KIF11: variants seen among roughly 807,000 people sequenced by gnomAD.
The protein encoded by KIF11 is kinesin family member 11.
A neutral mutation model predicts 121.0 loss-of-function variants in KIF11; 9 were observed. That is an observed-to-expected ratio of 0.07 (90% CI 0.04 to 0.13). KIF11 has a LOEUF of 0.13. Among genes scored for constraint, KIF11 ranks in the 10% least tolerant of loss-of-function variants. KIF11 has a pLI of 1.00. For synonymous variants in KIF11, 408 were observed against 421.0 expected, an observed-to-expected ratio of 0.97 and a Z score of 0.38; for missense variants, 846 against 1,217.5, an observed-to-expected ratio of 0.69 and a Z score of 4.54.
chr10:92,653,388 G>C (rs1472970110), intron 21 of KIF11, among the ~76,000 whole-genome samples: 6 of 152,136 alleles, frequency 3.9e-5, no homozygotes, highest in African/African-American at 1.4e-4. Flanking sequence ...TCCCTGATGA[G>C]AACCACTACC....
intron 1 of KIF11, among the ~76,000 whole-genome samples, chr10:92,594,285 G>T (rs1013332932): frequency 6.6e-6 from 1 of 152,160 alleles, no homozygotes; most frequent in Non-Finnish European, 1.5e-5. Flanking sequence ...AGAAAAACTT[G>T]TATCAACAAA....
intron 9 of KIF11, among the ~76,000 whole-genome samples, chr10:92,619,069 T>C (rs1844591921): frequency 6.6e-6 from 1 of 152,148 alleles, no homozygotes; most frequent in African/African-American, 2.4e-5. Context: ...CAGGCTGGAG[T>C]GCAGTGGTGC....
At chr10:92,651,521 T>TTTTTTTTTTTAGTAGAGGGGG (rs1844982388) in intron 21 of KIF11, among the ~76,000 whole-genome samples, 1 of 75,266 alleles carries the variant, frequency 1.3e-5, no homozygotes, top group Non-Finnish European at 2.4e-5. Flanking sequence ...TTTTTTTTTT[T>TTTTTTTTTTTAGTAGAGGGGG]TTTTTTTTTT....
chr10:92,619,976 CTTGATTAAA>C (rs1225352329), intron 9 of KIF11, among the ~76,000 whole-genome samples: 1 of 151,138 alleles, frequency 6.6e-6, no homozygotes, highest in Non-Finnish European at 1.5e-5. Context: ...AATCTTGAGG[CTTGATTAAA>C]TTCAAGTTTT....
rs1844762932 is a variant in KIF11 at position 92,633,693 on chromosome 10, T to G, written c.1773T>G (p.Ser591=). The G allele has an allele frequency of 6.2e-7, 1 of 1,602,072 alleles. No homozygotes were observed. Residue 591 remains serine, a synonymous_variant, in exon 14 of 22, where the codon TCT becomes TCG. Coordinates refer to ENST00000260731, the MANE Select transcript of KIF11 (RefSeq NM_004523.4). The stretch of plus-strand genomic sequence containing the variant: ...CAGTAGCACTTGGATCTCTCACATC[T>G]ATTCCAGAAAATGTGTCTACTCATG... The part of the protein sequence containing the change: ...ITTVALGSLT[S]IPENVSTHVS...
chr10:92,652,160 G>A (rs1462799412), intron 21 of KIF11, among the ~76,000 whole-genome samples: 1 of 151,380 alleles, frequency 6.6e-6, no homozygotes, highest in East Asian at 1.9e-4. Flanking sequence ...TTGTTTTTGA[G>A]ACGGAGTTTT....
At chr10:92,606,157 A>G (rs1844428476) in intron 1 of KIF11, 108 bp from the exon 2 acceptor site, 11 of 968,238 alleles carry the variant, frequency 1.1e-5, no homozygotes, top group Middle Eastern at 2.6e-4. Context: ...ATCACCAACA[A>G]TGTGGTCAAA....
chr10:92,637,383 A>C lies in KIF11; in HGVS notation c.2002-4A>C, dbSNP rs769184809. 1.3e-6 allele frequency: 2 copies of C among 1,579,312 alleles called. No homozygotes were observed. The highest frequency in any genetic ancestry group is 1.7e-6 in the Non-Finnish European group (2 of 1,171,732). ...GAAGGAAACTCATTTTTGTTTCTTC[A>C]AAGATAGAAGATCAAAAAAAGGAAC... is the stretch of plus-strand genomic sequence containing the variant. On this transcript the variant is annotated splice_polypyrimidine_tract_variant and splice_region_variant and intron_variant, in intron 15 of 21. Coordinates refer to ENST00000260731, the MANE Select transcript of KIF11 (RefSeq NM_004523.4).
chr10:92,632,191 A>T (rs1287075888), intron 12 of KIF11, among the ~76,000 whole-genome samples: 2 of 151,592 alleles, frequency 1.3e-5, no homozygotes, highest in Admixed American at 6.6e-5. Flanking sequence ...TTTGAGACAG[A>T]GTCTCTCTCT....
chr10:92,627,718 A>G (rs904442344), intron 10 of KIF11, among the ~76,000 whole-genome samples: 1 of 152,166 alleles, frequency 6.6e-6, no homozygotes, highest in African/African-American at 2.4e-5. Flanking sequence ...ATGGACCTGT[A>G]AGTTCACTAT....
intron 4 of KIF11, among the ~76,000 whole-genome samples, chr10:92,608,076 C>CA (rs1334874049): frequency 2.6e-5 from 3 of 115,226 alleles, no homozygotes; most frequent in Admixed American, 1.8e-4. Flanking sequence ...CAAAAAAAAA[C>CA]AAAAAAACAA....
intron 18 of KIF11, among the ~76,000 whole-genome samples, 200 bp downstream of exon 18, chr10:92,645,842 A>T (rs1844912451): frequency 6.6e-6 from 1 of 152,026 alleles, no homozygotes; most frequent in African/African-American, 2.4e-5. Flanking sequence ...AATTAATTTA[A>T]CATTTGTACA....
chr10:92,602,824 A>ATGTG (rs1844386345), intron 1 of KIF11, among the ~76,000 whole-genome samples: 4 of 74,388 alleles, frequency 5.4e-5, no homozygotes, highest in African/African-American at 4.2e-4. Flanking sequence ...ACACACACAC[A>ATGTG]CGTGTGTGTG....
At chr10:92,651,280 G>A (rs1198207778) in intron 21 of KIF11, among the ~76,000 whole-genome samples, 1 of 151,766 alleles carries the variant, frequency 6.6e-6, no homozygotes, top group Non-Finnish European at 1.5e-5. Context: ...TACCCTCCTC[G>A]GCCTCCCAAA....
At chr10:92,599,247 T>C (rs1457474308) in intron 1 of KIF11, among the ~76,000 whole-genome samples, 5 of 151,904 alleles carry the variant, frequency 3.3e-5, no homozygotes, top group Admixed American at 3.3e-4. Context: ...CTGGACGCAG[T>C]GGCTCTCACC....
In KIF11 at chr10:92,612,823, T is replaced by C. The variant is rs376625465; in HGVS notation, c.699-217T>C. 3.3e-5 allele frequency among the ~76,000 whole-genome samples: 5 copies of C among 152,348 alleles called. No homozygotes were observed. The East Asian group carries it at 7.7e-4, about 24-fold the overall frequency. ...TCTAAGTCTTTTAGAGAGCTTCTTA[T>C]TGATGCCTCTTTTGCAGGCAGTAGA... On this transcript the variant is annotated intron_variant, in intron 6 of 21. Transcript: ENST00000260731.
At chr10:92,646,109 A>T (rs1365054669) in intron 18 of KIF11, among the ~76,000 whole-genome samples, 2 of 151,158 alleles carry the variant, frequency 1.3e-5, no homozygotes, top group African/African-American at 4.9e-5. Flanking sequence ...CTGCCACCAC[A>T]CCCGGCTAAT....
In KIF11 at chr10:92,597,394, T is replaced by C. The variant is rs539289734; in HGVS notation, c.77+3942T>C. 8.7e-4 allele frequency: 136 copies of C among 155,440 alleles called. 1 individual carries two copies. The Middle Eastern group carries it at 0.016, about 19-fold the overall frequency. The allele number at this position is 155,440 out of a possible 1,614,324, so 9.6% of individuals were successfully genotyped here. On this transcript the variant is annotated intron_variant, in intron 1 of 21. Transcript: ENST00000260731. ...TTCTTATGCTTCAGCCTCCCAAGTA[T>C]CTGGGATTACAGGTGTGCACCACCA...
intron 9 of KIF11, among the ~76,000 whole-genome samples, chr10:92,620,242 G>A (rs758121958): frequency 3.3e-5 from 5 of 151,888 alleles, no homozygotes; most frequent in Non-Finnish European, 5.9e-5. Flanking sequence ...CACCACGCCC[G>A]GCTAATTTTT....
Sources: gnomAD v4.1 joint callset for allele counts (sites outside exome capture counted in the v4.1 genomes callset) on GRCh38, gnomAD v4.1.1 for gene constraint, MANE v1.5 for transcripts, NCBI Gene and HGNC (gene_info 2026-07-23, HGNC 2026-07-21) for gene names.